Variants in CEP85 observed in about 807,000 individuals in gnomAD.
CEP85 encodes the protein centrosomal protein 85.
Under a neutral mutation model 93.7 loss-of-function variants are expected in CEP85, and 58 were observed. The observed-to-expected ratio is 0.62, with a 90% CI of 0.50 to 0.77. CEP85 has a LOEUF of 0.77. Ranked by LOEUF, CEP85 falls within the 30% of genes least tolerant of loss-of-function variation. The probability of loss-of-function intolerance (pLI) is 0.00; values close to 1 mark genes in which losing one functional copy is unlikely to be tolerated. For missense variants in CEP85, 868 were observed against 922.0 expected (o/e 0.94, Z 0.76); for synonymous variants, 314 against 338.6 (o/e 0.93, Z 0.80).
chr1:26,264,860 T>C (rs1381408893), intron 7 of CEP85, among the ~76,000 whole-genome samples: 1 of 152,052 alleles, frequency 6.6e-6, no homozygotes, highest in Admixed American at 6.6e-5. Context: ...CTGGAGTTGC[T>C]GGAGTGCAGT....
At chr1:26,275,115 C>A in intron 12 of CEP85, 44 bp downstream of exon 12, 1 of 1,452,664 alleles carries the variant, frequency 6.9e-7, no homozygotes, top group South Asian at 1.2e-5. Flanking sequence ...CTCCACAAAC[C>A]CGATTTCTTT....
chr1:26,248,885 C>T (rs900815503), intron 3 of CEP85, among the ~76,000 whole-genome samples: 1 of 151,730 alleles, frequency 6.6e-6, no homozygotes, highest in Admixed American at 6.6e-5. Context: ...CGCCACTACG[C>T]CCGGCTAATT....
chr1:26,272,121 T>G lies in CEP85; in HGVS notation c.1794+50T>G, dbSNP rs201348316. The G allele has an allele frequency of 2.8e-5, 44 of 1,566,768 alleles. No homozygotes were observed. The East Asian group carries it at 9.6e-4, about 34-fold the overall frequency. On this transcript the variant is annotated intron_variant, in intron 11 of 13. Transcript: ENST00000451429. ...GTGGGCAGAACTTAATGATGGAATC[T>G]CTAGAATTTAGCCAATATTTATTTT...
intron 3 of CEP85, among the ~76,000 whole-genome samples, chr1:26,252,768 A>G (rs1231967448): frequency 6.6e-6 from 1 of 152,132 alleles, no homozygotes; most frequent in Non-Finnish European, 1.5e-5. Context: ...CCTTTTATAT[A>G]TCCCCAAGAT....
intron 1 of CEP85, among the ~76,000 whole-genome samples, chr1:26,235,616 A>G (rs892992858): frequency 8.7e-6 from 1 of 115,346 alleles, no homozygotes; most frequent in African/African-American, 3.5e-5. Flanking sequence ...CTTGTTGCCC[A>G]GGCTGGAGTG....
chr1:26,246,378 A>G (rs1343875073), intron 3 of CEP85, among the ~76,000 whole-genome samples: 4 of 152,218 alleles, frequency 2.6e-5, no homozygotes, highest in African/African-American at 7.2e-5. Context: ...GAATATCCAT[A>G]TAATACAGTA....
At chr1:26,262,463 G>A (rs1248945682) in intron 7 of CEP85, among the ~76,000 whole-genome samples, 2 of 151,646 alleles carry the variant, frequency 1.3e-5, no homozygotes, top group Non-Finnish European at 2.9e-5. Context: ...GGGCAACAGA[G>A]TGAGTGAGAG....
At chr1:26,256,205 C>T (rs1387305159) in intron 4 of CEP85, among the ~76,000 whole-genome samples, 4 of 152,182 alleles carry the variant, frequency 2.6e-5, no homozygotes, top group Non-Finnish European at 5.9e-5. Flanking sequence ...TCTTAGACTA[C>T]ATAATCTGTA....
chr1:26,255,072 C>T, intron 3 of CEP85, 99 bp from the exon 4 acceptor site: 5 of 929,176 alleles, frequency 5.4e-6, no homozygotes, highest in Non-Finnish European at 6.7e-6. Context: ...GCTCTCTCTG[C>T]TTGGTCTCAG....
intron 3 of CEP85, chr1:26,254,896 C>T (rs1030671276): frequency 4.6e-5 from 19 of 417,498 alleles, no homozygotes; most frequent in South Asian, 1.3e-4. Flanking sequence ...TCAGCTTTGT[C>T]TGTTGACTGA....
At chr1:26,254,004 AG>A (rs1442601691) in intron 3 of CEP85, among the ~76,000 whole-genome samples, 1 of 151,988 alleles carries the variant, frequency 6.6e-6, no homozygotes, top group East Asian at 1.9e-4. Context: ...CAAAAAAAAA[AG>A]TTGTTTAATG....
intron 6 of CEP85, 96 bp downstream of exon 6, chr1:26,258,356 T>G: frequency 1.3e-6 from 1 of 790,214 alleles, no homozygotes; most frequent in South Asian, 1.5e-5. Flanking sequence ...AGAAAAGAGC[T>G]CAAGTGATGT....
In CEP85 at chr1:26,258,136, T is replaced by C. The variant is rs1196151883; in HGVS notation, c.1038-7T>C. On this transcript the variant is annotated splice_polypyrimidine_tract_variant and splice_region_variant and intron_variant, in intron 5 of 13. Transcript: ENST00000451429. Reference sequence around the variant, plus strand: ...GGACCCTGACCTGATTCTACCGGCTTGTGCAGGCAGAGGAAACACATCTCT... The same window carrying C: ...GGACCCTGACCTGATTCTACCGGCTCGTGCAGGCAGAGGAAACACATCTCT... 34 of 1,607,760 alleles carry C rather than the reference T, an allele frequency of 2.1e-5. No individual in the cohort carries two copies. Among genetic ancestry groups the C allele is most frequent in the Non-Finnish European group, 2.6e-5 (31 of 1,174,366 alleles).
At chr1:26,268,059 A>T (rs2089918079) in intron 7 of CEP85, among the ~76,000 whole-genome samples, 1 of 152,244 alleles carries the variant, frequency 6.6e-6, no homozygotes. Flanking sequence ...TTGAAAGTTC[A>T]TTAATTCTTT....
At chr1:26,234,417 C>A (rs1027244266) in intron 1 of CEP85, 107 bp downstream of exon 1, 5 of 152,286 alleles carry the variant, frequency 3.3e-5, no homozygotes, top group African/African-American at 1.2e-4. Flanking sequence ...CGTGAGGGGC[C>A]GGGGAGAGCG....
chr1:26,254,265 A>G (rs1187346707), intron 3 of CEP85, among the ~76,000 whole-genome samples: 3 of 152,150 alleles, frequency 2.0e-5, no homozygotes, highest in Non-Finnish European at 4.4e-5. Context: ...GTTACCTCAC[A>G]TTCCTCCCTT....
At chr1:26,274,311 AAGAC>A (rs1285026988) in intron 11 of CEP85, among the ~76,000 whole-genome samples, 2 of 152,186 alleles carry the variant, frequency 1.3e-5, no homozygotes, top group African/African-American at 4.8e-5. Context: ...TAACTCCTAA[AAGAC>A]AGGAACTGTT....
intron 1 of CEP85, among the ~76,000 whole-genome samples, chr1:26,234,616 A>C (rs915379298): frequency 1.3e-5 from 2 of 152,194 alleles, no homozygotes; most frequent in African/African-American, 4.8e-5. Flanking sequence ...GCCCTTGCGG[A>C]GCGCACAGCC....
At chr1:26,259,580 G>GT (rs762996797) in intron 6 of CEP85, 37 bp from the exon 7 acceptor site, 18 of 1,551,808 alleles carry the variant, frequency 1.2e-5, no homozygotes, top group Admixed American at 7.5e-5. Context: ...GACTATAAGG[G>GT]TAGAGAACAG....
Sources: allele counts gnomAD v4.1 joint callset (sites outside exome capture counted in the v4.1 genomes callset), GRCh38; gene constraint gnomAD v4.1.1; transcripts MANE v1.5; gene names NCBI Gene and HGNC (gene_info 2026-07-23, HGNC 2026-07-21).